ETF1: variants seen among roughly 807,000 people sequenced by gnomAD.
The protein encoded by ETF1 is eukaryotic peptide chain release factor subunit 1.
ETF1 carries 4 observed loss-of-function variants against 55.1 expected under a neutral mutation model. The ratio of observed to expected loss-of-function variants is 0.07; its 90% CI spans 0.04 to 0.17. The LOEUF (loss-of-function observed/expected upper bound fraction) is 0.17, where lower values mean the gene tolerates loss of function less well. ETF1 is among the 10% of genes least tolerant of loss of function. ETF1 has a pLI of 1.00. For synonymous variants in ETF1, 157 were observed against 182.3 expected (o/e 0.86, Z 1.12); for missense variants, 142 against 523.6 (o/e 0.27, Z 7.11).
At position 138,509,381 on chromosome 5, in the gene ETF1, C is replaced by A. The variant is rs573559353; in HGVS notation, c.1084-565G>T. On this transcript the variant is annotated intron_variant, in intron 9 of 10. Transcript: ENST00000360541. ...TGCAGGAGAGGCATTATGTAAATTA[C>A]ATTTTCCTCCCTATTAAATTTCAAG... 2.9e-4 allele frequency among the ~76,000 whole-genome samples: 44 copies of A among 152,212 alleles called. 1 individual carries two copies. The highest frequency in any genetic ancestry group is 5.3e-4 in the Non-Finnish European group (36 of 68,042).
intron 8 of ETF1, 30 bp downstream of exon 8, chr5:138,511,010 TAACAA>T (rs1764753837): frequency 1.2e-6 from 2 of 1,603,368 alleles, no homozygotes; most frequent in Non-Finnish European, 1.7e-6. Flanking sequence ...CCTGGCTCAG[TAACAA>T]ATAGCAACCT....
Position 138,543,146 on chromosome 5 carries a change from T to G in ETF1, c.-68A>C, listed in dbSNP as rs1766259417. The G allele has an allele frequency of 3.5e-6, 2 of 577,624 alleles. No individual in the cohort carries two copies. Among genetic ancestry groups the G allele is most frequent in the Non-Finnish European group, 6.1e-6 (2 of 329,326 alleles). 35.8% of individuals were successfully genotyped at this position (577,624 alleles called of 1,614,324 possible). A position where few individuals can be genotyped will look rare whatever the true frequency, so the allele number is the denominator to read the frequency against. On this transcript the variant is annotated 5_prime_UTR_variant, in exon 1 of 11. Transcript: ENST00000360541. ...GCGGCTGCTCCTCCCCGGCGGCGGC[T>G]CCGCGGCGGCGGCGGCTCTGACGTA...
At chr5:138,539,576 T>C (rs1766089626) in intron 2 of ETF1, among the ~76,000 whole-genome samples, 1 of 152,168 alleles carries the variant, frequency 6.6e-6, no homozygotes, top group South Asian at 2.1e-4. Flanking sequence ...CAAACTAACA[T>C]TCGACCAGGC....
chr5:138,519,680 ATCTC>A (rs1172778436), intron 2 of ETF1, among the ~76,000 whole-genome samples: 10 of 151,372 alleles, frequency 6.6e-5, no homozygotes, highest in South Asian at 2.1e-4. Context: ...AAAAAAAAAA[ATCTC>A]TCTCTCACAA....
At chr5:138,509,587 C>A (rs945649355) in intron 9 of ETF1, among the ~76,000 whole-genome samples, 4 of 151,906 alleles carry the variant, frequency 2.6e-5, no homozygotes, top group Non-Finnish European at 5.9e-5. Flanking sequence ...CACAGCAAGA[C>A]CCCATTTCTA....
intron 4 of ETF1, among the ~76,000 whole-genome samples, chr5:138,516,072 T>G (rs1363317168): frequency 6.6e-6 from 1 of 152,210 alleles, no homozygotes; most frequent in Non-Finnish European, 1.5e-5. Context: ...TAGGTCACTC[T>G]AATGAGGTTT....
At position 138,512,258 on chromosome 5, in the gene ETF1, A is replaced by ATTTTTT. The variant is rs58936942; in HGVS notation, c.732+500_732+505dup. ...TATATATATATATATATATATATAT[A>ATTTTTT]TTTTTTTTTTTTTTTAAAGGCAATT... On this transcript the variant is annotated intron_variant, in intron 6 of 10. Coordinates refer to ENST00000360541, the MANE Select transcript of ETF1 (RefSeq NM_004730.4). 2.2e-3 allele frequency among the ~76,000 whole-genome samples: 44 copies of ATTTTTT among 20,014 alleles called. 1 individual carries two copies. Among genetic ancestry groups the ATTTTTT allele is most frequent in the Middle Eastern group, 0.056 (1 of 18 alleles). 13.1% of individuals were successfully genotyped at this position (20,014 alleles called of 152,430 possible). A position where few individuals can be genotyped will look rare whatever the true frequency, so the allele number is the denominator to read the frequency against.
intron 6 of ETF1, 181 bp downstream of exon 6, chr5:138,512,583 G>C (rs920454944): frequency 5.7e-5 from 28 of 488,178 alleles, no homozygotes; most frequent in Non-Finnish European, 3.5e-6. Flanking sequence ...AGAAGAGAAG[G>C]GGTTCAGAAA....
intron 2 of ETF1, among the ~76,000 whole-genome samples, chr5:138,527,822 G>C (rs752105726): frequency 1.2e-4 from 18 of 151,944 alleles, no homozygotes; most frequent in Non-Finnish European, 2.5e-4. Flanking sequence ...CCCCAGGCAG[G>C]AGTGCAGTGG....
At chr5:138,526,068 G>A (rs1030926212) in intron 2 of ETF1, among the ~76,000 whole-genome samples, 4 of 151,980 alleles carry the variant, frequency 2.6e-5, no homozygotes, top group Admixed American at 2.0e-4. Context: ...ACCCTTAAAG[G>A]GTATATAAGT....
At chr5:138,513,455 C>T (rs745565743) in intron 5 of ETF1, 113 bp downstream of exon 5, 49 of 935,924 alleles carry the variant, frequency 5.2e-5, no homozygotes, top group African/African-American at 1.3e-4. Flanking sequence ...CCACCCGGCT[C>T]GGCCTCCCAA....
chr5:138,512,258 A>ATATATTTTTTTT (rs1484458741), intron 6 of ETF1, among the ~76,000 whole-genome samples: 1 of 20,006 alleles, frequency 5.0e-5, no homozygotes, highest in Non-Finnish European at 8.5e-5. Context: ...ATATATATAT[A>ATATATTTTTTTT]TTTTTTTTTT....
intron 9 of ETF1, chr5:138,509,108 T>A (rs111902918): frequency 2.9e-5 from 29 of 985,226 alleles, no homozygotes; most frequent in Middle Eastern, 5.2e-4. Context: ...ACTCTAGAAG[T>A]CAGGCTGTTG....
chr5:138,515,575 T>C (rs1010406415), intron 4 of ETF1, among the ~76,000 whole-genome samples: 4 of 152,174 alleles, frequency 2.6e-5, no homozygotes, highest in African/African-American at 9.7e-5. Context: ...GAATATATAA[T>C]TACCCTGATA....
chr5:138,542,541 C>G (rs2127142858), intron 2 of ETF1: 1 of 1,121,692 alleles, frequency 8.9e-7, no homozygotes, highest in Non-Finnish European at 1.2e-6. Flanking sequence ...GAGGGAGGAC[C>G]TGGACTTAAG....
intron 2 of ETF1, among the ~76,000 whole-genome samples, chr5:138,530,390 T>C (rs1765649289): frequency 6.6e-6 from 1 of 152,286 alleles, no homozygotes. Context: ...GTGATTCTTC[T>C]GCCTCAGCCT....
At chr5:138,517,516 A>T in intron 4 of ETF1, 45 bp downstream of exon 4, 2 of 1,307,992 alleles carry the variant, frequency 1.5e-6, no homozygotes, top group Non-Finnish European at 2.1e-6. Context: ...GGGTACGGGG[A>T]AAGAATTCTG....
At chr5:138,535,931 C>T (rs1406726041) in intron 2 of ETF1, among the ~76,000 whole-genome samples, 1 of 149,496 alleles carries the variant, frequency 6.7e-6, no homozygotes, top group Non-Finnish European at 1.5e-5. Context: ...ACTAAATCCC[C>T]TTCAACATGT....
At chr5:138,537,405 C>T (rs1441089961) in intron 2 of ETF1, among the ~76,000 whole-genome samples, 1 of 152,094 alleles carries the variant, frequency 6.6e-6, no homozygotes, top group African/African-American at 2.4e-5. Context: ...GTATTTTAAC[C>T]CATATTATCT....
Sources: gnomAD v4.1 joint callset for allele counts (sites outside exome capture counted in the v4.1 genomes callset) on GRCh38, gnomAD v4.1.1 for gene constraint, MANE v1.5 for transcripts, NCBI Gene and HGNC (gene_info 2026-07-23, HGNC 2026-07-21) for gene names.